The following DMXL1 variants were observed in gnomAD, a reference collection of about 807,000 sequenced individuals.
DMXL1 encodes dmX-like protein 1.
Under a neutral mutation model 319.2 loss-of-function variants are expected in DMXL1, and 99 were observed. The ratio of observed to expected loss-of-function variants is 0.31; its 90% CI spans 0.26 to 0.37. The LOEUF (loss-of-function observed/expected upper bound fraction) is 0.37. DMXL1 is among the 10% of genes least tolerant of loss of function. The pLI is 1.00. For missense variants in DMXL1, 3,745 were observed against 3,595.6 expected (o/e 1.04, Z -1.06); for synonymous variants, 1,385 against 1,235.2 (o/e 1.12, Z -2.54).
intron 29 of DMXL1, among the ~76,000 whole-genome samples, chr5:119,192,744 A>G (rs1778916173): frequency 6.6e-6 from 1 of 151,730 alleles, no homozygotes; most frequent in Non-Finnish European, 1.5e-5. Context: ...CTTACTATTT[A>G]TTCCTTCATA....
intron 35 of DMXL1, among the ~76,000 whole-genome samples, chr5:119,217,415 T>A (rs1312537313): frequency 1.3e-5 from 2 of 152,164 alleles, no homozygotes; most frequent in Non-Finnish European, 2.9e-5. Flanking sequence ...GTGTGTATTT[T>A]CTTAGTATTT....
Position 119,097,962 on chromosome 5 carries a change from T to G in DMXL1, c.88-17T>G, listed in dbSNP as rs1204252025. ...TTCCTTGACACTTTTATCATTTTTA[T>G]TTATTTATTTTTTTAGGCTTATGCA... On this transcript the variant is annotated splice_polypyrimidine_tract_variant and intron_variant, in intron 1 of 43. Transcript: ENST00000539542. 1.3e-6 allele frequency: 2 copies of G among 1,582,082 alleles called. No homozygotes were observed. The highest frequency in any genetic ancestry group is 1.7e-6 in the Non-Finnish European group (2 of 1,162,738).
intron 1 of DMXL1, among the ~76,000 whole-genome samples, chr5:119,084,156 T>A (rs2149705681): frequency 6.6e-6 from 1 of 152,256 alleles, no homozygotes; most frequent in East Asian, 1.9e-4. Context: ...AGTCTTGTGC[T>A]GTTGCCCAGG....
intron 26 of DMXL1, among the ~76,000 whole-genome samples, chr5:119,176,109 T>C (rs549370240): frequency 1.3e-5 from 2 of 152,198 alleles, no homozygotes; most frequent in South Asian, 2.1e-4. Context: ...TATTCAGCAA[T>C]GTCCTGTCTT....
At chr5:119,211,134 ATG>A (rs1488658617) in intron 34 of DMXL1, among the ~76,000 whole-genome samples, 10 of 151,344 alleles carry the variant, frequency 6.6e-5, no homozygotes, top group African/African-American at 2.2e-4. Context: ...CTTGGTCGTG[ATG>A]TGTTATCCTT....
intron 35 of DMXL1, among the ~76,000 whole-genome samples, chr5:119,217,317 A>G (rs1019030812): frequency 4.6e-5 from 7 of 152,176 alleles, no homozygotes; most frequent in African/African-American, 7.2e-5. Flanking sequence ...GAATATGTCA[A>G]ATGTGGTTCT....
chr5:119,122,796 C>T (rs1477553148), intron 9 of DMXL1, among the ~76,000 whole-genome samples: 2 of 150,828 alleles, frequency 1.3e-5, no homozygotes, highest in South Asian at 2.1e-4. Flanking sequence ...GGCGGCCGGG[C>T]AGAGATGCTC....
At chr5:119,168,266 T>C (rs1318349701) in intron 23 of DMXL1, among the ~76,000 whole-genome samples, 1 of 152,198 alleles carries the variant, frequency 6.6e-6, no homozygotes, top group Non-Finnish European at 1.5e-5. Context: ...AAGAAAATCT[T>C]TAGCTAGATG....
At chr5:119,126,173 C>CT (rs1763525340) in intron 9 of DMXL1, among the ~76,000 whole-genome samples, 1 of 152,086 alleles carries the variant, frequency 6.6e-6, no homozygotes, top group African/African-American at 2.4e-5. Context: ...ATCCCAGCTA[C>CT]TTGGGAGGCT....
At chr5:119,098,907 C>T (rs1756597062) in intron 2 of DMXL1, among the ~76,000 whole-genome samples, 1 of 152,026 alleles carries the variant, frequency 6.6e-6, no homozygotes, top group African/African-American at 2.4e-5. Flanking sequence ...GTCCATGGAC[C>T]CAATCATTTG....
At chr5:119,196,509 T>G in intron 31 of DMXL1, 53 bp downstream of exon 31, 2 of 965,480 alleles carry the variant, frequency 2.1e-6, no homozygotes, top group Non-Finnish European at 3.2e-6. Flanking sequence ...GACTTACTAC[T>G]CTGTTGTTTT....
intron 19 of DMXL1, among the ~76,000 whole-genome samples, chr5:119,156,918 G>C (rs534086164): frequency 6.6e-6 from 1 of 151,598 alleles, no homozygotes; most frequent in Non-Finnish European, 1.5e-5. Context: ...GCATTTTCCT[G>C]ATGATTATAG....
At chr5:119,126,279 G>A (rs1239241926) in intron 9 of DMXL1, among the ~76,000 whole-genome samples, 1 of 152,134 alleles carries the variant, frequency 6.6e-6, no homozygotes, top group Non-Finnish European at 1.5e-5. Context: ...GTGAAACTCT[G>A]TCTCAAAAAT....
intron 28 of DMXL1, among the ~76,000 whole-genome samples, chr5:119,183,701 C>G (rs974123790): frequency 2.0e-5 from 3 of 152,090 alleles, no homozygotes; most frequent in African/African-American, 7.2e-5. Flanking sequence ...TTCAGTGATC[C>G]GCCTGCCCTG....
At chr5:119,143,796 C>T (rs1767932533) in intron 13 of DMXL1, 45 bp from the exon 14 acceptor site, 4 of 1,279,128 alleles carry the variant, frequency 3.1e-6, no homozygotes, top group Admixed American at 2.3e-5. Context: ...CTCTTATTTG[C>T]ATATGAATTG....
intron 37 of DMXL1, among the ~76,000 whole-genome samples, chr5:119,222,213 C>T (rs1275719844): frequency 2.6e-5 from 4 of 152,098 alleles, no homozygotes; most frequent in Non-Finnish European, 5.9e-5. Context: ...CGTATTTAAA[C>T]ATTCTTCAGA....
At position 119,205,169 on chromosome 5, in the gene DMXL1, A is replaced by G. The variant is rs796174786; in HGVS notation, c.7864-1665A>G. Among the ~76,000 whole-genome samples, 55 of 152,242 alleles carry G rather than the reference A, an allele frequency of 3.6e-4. 1 individual carries two copies. The highest frequency in any genetic ancestry group is 1.3e-3 in the African/African-American group (54 of 41,564). On this transcript the variant is annotated intron_variant, in intron 33 of 43. Transcript: ENST00000539542. ...ATTTGATCTTTTTTTAAAAAAATTGACATATTTGATTAATCTTAGAAAAAT... is the reference window on the plus strand; with the variant it reads ...ATTTGATCTTTTTTTAAAAAAATTGGCATATTTGATTAATCTTAGAAAAAT...
chr5:119,196,484 G>A (rs1475861482), intron 31 of DMXL1, 28 bp downstream of exon 31: 7 of 1,457,526 alleles, frequency 4.8e-6, no homozygotes, highest in Non-Finnish European at 6.7e-6. Flanking sequence ...ATGAGCTAAT[G>A]GTGCCATTGC....
At chr5:119,159,201 C>T (rs745309304) in intron 19 of DMXL1, among the ~76,000 whole-genome samples, 58 of 151,848 alleles carry the variant, frequency 3.8e-4, no homozygotes, top group Non-Finnish European at 6.3e-4. Flanking sequence ...GGTGCAATCT[C>T]GGCTCACTGC....
Sources: allele counts gnomAD v4.1 joint callset (sites outside exome capture counted in the v4.1 genomes callset), GRCh38; gene constraint gnomAD v4.1.1; transcripts MANE v1.5; gene names NCBI Gene and HGNC (gene_info 2026-07-23, HGNC 2026-07-21).